NEGR1: variants seen among roughly 807,000 people sequenced by gnomAD.
NEGR1 encodes the protein IgLON family member 4.
A neutral mutation model predicts 40.9 loss-of-function variants in NEGR1; 10 were observed. The ratio of observed to expected loss-of-function variants is 0.24; its 90% CI spans 0.15 to 0.42. The LOEUF is 0.42. NEGR1 is among the 10% of genes least tolerant of loss of function. NEGR1 has a pLI of 1.00. For synonymous variants in NEGR1, 185 were observed against 166.8 expected, an observed-to-expected ratio of 1.11 and a Z score of -0.84; for missense variants, 352 against 438.9, an observed-to-expected ratio of 0.80 and a Z score of 1.77.
intron 6 of NEGR1, among the ~76,000 whole-genome samples, chr1:71,462,132 A>C (rs1330167904): frequency 6.6e-6 from 1 of 152,230 alleles, no homozygotes; most frequent in Non-Finnish European, 1.5e-5. Flanking sequence ...TGCATCTAAA[A>C]TTTTAAATAA....
At chr1:72,189,269 C>T (rs1652727237) in intron 1 of NEGR1, among the ~76,000 whole-genome samples, 2 of 151,558 alleles carry the variant, frequency 1.3e-5, no homozygotes, top group South Asian at 4.2e-4. Flanking sequence ...ATTTTCTTAC[C>T]TCTCTGTGAA....
chr1:72,254,970 G>A lies in NEGR1; in HGVS notation c.176+27349C>T, dbSNP rs147961668. On this transcript the variant is annotated intron_variant, in intron 1 of 6. Coordinates refer to ENST00000357731, the MANE Select transcript of NEGR1 (RefSeq NM_173808.3). ...ATAGATGTATTAAAAATTTATATAT[G>A]TCTATCTACATTTCAATATATTTGT... Among the ~76,000 whole-genome samples, 3 of 151,884 alleles carry A rather than the reference G, an allele frequency of 2.0e-5. 1 individual carries two copies. The highest frequency in any genetic ancestry group is 4.4e-5 in the Non-Finnish European group (3 of 67,944).
intron 1 of NEGR1, among the ~76,000 whole-genome samples, chr1:72,016,194 C>A (rs532453978): frequency 6.6e-6 from 1 of 151,794 alleles, no homozygotes; most frequent in South Asian, 2.1e-4. Context: ...AGATTAAATA[C>A]AAAATAATTG....
At chr1:71,503,282 G>C (rs1647010754) in intron 6 of NEGR1, among the ~76,000 whole-genome samples, 1 of 152,104 alleles carries the variant, frequency 6.6e-6, no homozygotes, top group Admixed American at 6.5e-5. Context: ...CTCATAGGAG[G>C]AGATAGGTTA....
At chr1:71,674,100 A>G (rs996452958) in intron 4 of NEGR1, among the ~76,000 whole-genome samples, 1 of 152,310 alleles carries the variant, frequency 6.6e-6, no homozygotes, top group Admixed American at 6.5e-5. Context: ...CTCAAAAGTC[A>G]TATGCTGGGT....
intron 1 of NEGR1, among the ~76,000 whole-genome samples, chr1:72,138,973 A>C (rs1329665444): frequency 1.3e-5 from 2 of 152,048 alleles, no homozygotes; most frequent in Admixed American, 6.6e-5. Context: ...TCAATAAATT[A>C]GAATAAATTC....
chr1:72,195,964 G>C (rs1248427841), intron 1 of NEGR1, among the ~76,000 whole-genome samples: 1 of 152,096 alleles, frequency 6.6e-6, no homozygotes, highest in Admixed American at 6.6e-5. Context: ...AGGTAAATTA[G>C]TGCCTTCCTC....
intron 5 of NEGR1, among the ~76,000 whole-genome samples, chr1:71,594,276 A>C (rs1649609194): frequency 6.6e-6 from 1 of 152,180 alleles, no homozygotes; most frequent in Admixed American, 6.5e-5. Flanking sequence ...CTGATAGTCC[A>C]AATGGCATAG....
At chr1:71,818,169 C>A (rs566783976) in intron 2 of NEGR1, among the ~76,000 whole-genome samples, 1 of 151,956 alleles carries the variant, frequency 6.6e-6, no homozygotes, top group Non-Finnish European at 1.5e-5. Flanking sequence ...TTCGACCCAG[C>A]AATCTCATTA....
chr1:71,917,160 T>C (rs1016555867), intron 2 of NEGR1, among the ~76,000 whole-genome samples: 1 of 152,196 alleles, frequency 6.6e-6, no homozygotes, highest in Admixed American at 6.5e-5. Context: ...CACGCTATAG[T>C]GATGCTTTGG....
chr1:71,788,438 T>G (rs554026097), intron 2 of NEGR1, among the ~76,000 whole-genome samples: 176 of 131,806 alleles, frequency 1.3e-3, no homozygotes, highest in Non-Finnish European at 1.8e-3. Context: ...TATAAGACAG[T>G]TCACATGGAA....
In NEGR1 at chr1:71,997,601, AAAC is replaced by A. The variant is rs750577648; in HGVS notation, c.177-62293_177-62291del. On this transcript the variant is annotated intron_variant, in intron 1 of 6. Coordinates refer to ENST00000357731, the MANE Select transcript of NEGR1 (RefSeq NM_173808.3). ...TCTCCTGTGAACTTCCTGGCGACAG[AAAC>A]AACACTATTTTTTGTGTCTCCCTGA... is the stretch of plus-strand genomic sequence containing the variant. 1.2e-4 allele frequency among the ~76,000 whole-genome samples: 18 copies of A among 152,090 alleles called. No individual in the cohort carries two copies. In the East Asian group the frequency reaches 3.1e-3, roughly 26 times the overall value.
chr1:72,218,242 C>T (rs562421732), intron 1 of NEGR1, among the ~76,000 whole-genome samples: 1 of 151,888 alleles, frequency 6.6e-6, no homozygotes, highest in African/African-American at 2.4e-5. Context: ...ATTTGGAAGA[C>T]ATAAATTGTC....
At position 71,651,527 on chromosome 1, in the gene NEGR1, CTTTGT is replaced by C. The variant is rs545266226; in HGVS notation, c.668-40386_668-40382del. ...TTGCTTCTCTTCTTTTGCTCCTGTC[CTTTGT>C]TTTATCTTTAATATCTTTCAGCTGC... On this transcript the variant is annotated intron_variant, in intron 4 of 6. Coordinates refer to ENST00000357731, the MANE Select transcript of NEGR1 (RefSeq NM_173808.3). Among the ~76,000 whole-genome samples, 30 of 152,196 alleles carry C rather than the reference CTTTGT, an allele frequency of 2.0e-4. No individual in the cohort carries two copies. The East Asian group carries it at 4.8e-3, about 24-fold the overall frequency.
At chr1:71,773,466 T>A (rs1325090396) in intron 3 of NEGR1, among the ~76,000 whole-genome samples, 1 of 152,306 alleles carries the variant, frequency 6.6e-6, no homozygotes. Context: ...AATATTGATA[T>A]TTCTTAGGCA....
At chr1:71,996,981 C>A (rs773768012) in intron 1 of NEGR1, among the ~76,000 whole-genome samples, 1 of 151,984 alleles carries the variant, frequency 6.6e-6, no homozygotes, top group Non-Finnish European at 1.5e-5. Flanking sequence ...TACTATAATT[C>A]ACTAAGAGAG....
chr1:71,703,701 T>C (rs189591868), intron 3 of NEGR1, among the ~76,000 whole-genome samples: 26 of 151,930 alleles, frequency 1.7e-4, no homozygotes, highest in African/African-American at 6.0e-4. Context: ...GAAAAAAATA[T>C]TGTTAACTTG....
chr1:72,095,944 TC>T (rs772565504), intron 1 of NEGR1, among the ~76,000 whole-genome samples: 30 of 152,142 alleles, frequency 2.0e-4, no homozygotes, highest in Non-Finnish European at 3.4e-4. Context: ...ACTCCCACAG[TC>T]AATTTTCAAA....
chr1:71,757,613 C>T (rs761146261), intron 3 of NEGR1, among the ~76,000 whole-genome samples: 1 of 151,996 alleles, frequency 6.6e-6, no homozygotes, highest in Non-Finnish European at 1.5e-5. Context: ...AAAACATTCT[C>T]TTAAAAAATG....
Sources: gnomAD v4.1 joint callset for allele counts (sites outside exome capture counted in the v4.1 genomes callset) on GRCh38, gnomAD v4.1.1 for gene constraint, MANE v1.5 for transcripts, NCBI Gene and HGNC (gene_info 2026-07-23, HGNC 2026-07-21) for gene names.